The following PTPRA variants were observed in gnomAD, a reference collection of about 807,000 sequenced individuals.
The protein encoded by PTPRA is protein tyrosine phosphatase receptor type A, also known as receptor-type tyrosine-protein phosphatase alpha.
In PTPRA, 25 loss-of-function variants were observed where a neutral mutation model predicts 104.8. That is an observed-to-expected ratio of 0.24 (90% CI 0.17 to 0.33). The LOEUF (loss-of-function observed/expected upper bound fraction) is 0.33, where lower values mean the gene tolerates loss of function less well. Among genes scored for constraint, PTPRA ranks in the 10% least tolerant of loss-of-function variants. The pLI is 1.00. For missense variants in PTPRA, 765 were observed against 1,015.3 expected, an observed-to-expected ratio of 0.75 and a Z score of 3.35; for synonymous variants, 323 against 368.9, an observed-to-expected ratio of 0.88 and a Z score of 1.43.
chr20:2,953,499 C>T (rs575054524), intron 3 of PTPRA, among the ~76,000 whole-genome samples: 56 of 151,906 alleles, frequency 3.7e-4, no homozygotes, highest in Non-Finnish European at 3.5e-4. Flanking sequence ...GTGATTCACC[C>T]GCCTCAGCCT....
Position 2,965,095 on chromosome 20 carries a change from C to G in PTPRA, c.308C>G (p.Pro103Arg). The change falls in exon 5 of 24, where the codon CCA becomes CGA. Residue 103 changes from proline (P) to arginine (R), a missense_variant. Pro to Arg is a moderately radical substitution (Grantham distance 103). Transcript: ENST00000399903. ...STNSIGITIS[P>R]NGTWLPDNQF... Reference sequence around the variant, plus strand: ...AATTCTATAGGCATTACAATTTCACCAAATGGAACGTGGCTTCCAGATAAC... The same window carrying G: ...AATTCTATAGGCATTACAATTTCACGAAATGGAACGTGGCTTCCAGATAAC... The G allele has an allele frequency of 6.2e-7, 1 of 1,614,048 alleles. No homozygotes were observed. The highest frequency in any genetic ancestry group is 8.5e-7 in the Non-Finnish European group (1 of 1,179,932).
Position 2,975,252 on chromosome 20 carries a change from C to A in PTPRA, c.442+11C>A. On this transcript the variant is annotated intron_variant, in intron 6 of 23. Coordinates refer to ENST00000399903, the MANE Select transcript of PTPRA (RefSeq NM_001385305.1). ...CGAAGGACAGAAGAGGTGAGCTGCT[C>A]ACCTTATATCTGTTGTTCCTTTTAC... The A allele has an allele frequency of 1.3e-6, 2 of 1,589,114 alleles. No homozygotes were observed. Among genetic ancestry groups the A allele is most frequent in the South Asian group, 1.1e-5 (1 of 89,392 alleles).
intron 3 of PTPRA, among the ~76,000 whole-genome samples, chr20:2,952,225 A>G (rs1003299926): frequency 3.3e-5 from 5 of 152,150 alleles, no homozygotes; most frequent in African/African-American, 1.2e-4. Context: ...TATCCTTGAC[A>G]GCACTTGGTA....
At chr20:2,979,749 G>A (rs2062593292) in intron 6 of PTPRA, among the ~76,000 whole-genome samples, 1 of 152,094 alleles carries the variant, frequency 6.6e-6, no homozygotes, top group African/African-American at 2.4e-5. Context: ...TCGCTAAGTT[G>A]CCCAGGCTGG....
intron 2 of PTPRA, among the ~76,000 whole-genome samples, chr20:2,946,858 A>AT (rs1222615920): frequency 4.0e-5 from 6 of 151,430 alleles, no homozygotes; most frequent in East Asian, 3.9e-4. Context: ...AGAAAAAAAA[A>AT]AAATAATAAT....
intron 5 of PTPRA, among the ~76,000 whole-genome samples, chr20:2,972,039 G>C (rs2062213444): frequency 6.6e-6 from 1 of 151,958 alleles, no homozygotes; most frequent in African/African-American, 2.4e-5. Flanking sequence ...TCACCATGTT[G>C]GCCAACCTGG....
intron 5 of PTPRA, among the ~76,000 whole-genome samples, chr20:2,973,958 T>C (rs2148015096): frequency 6.6e-6 from 1 of 151,134 alleles, no homozygotes; most frequent in African/African-American, 2.4e-5. Context: ...TCTGATTTTT[T>C]TTTTTTTTTT....
In PTPRA at chr20:2,964,197, T is replaced by C. The variant is rs1453985519; in HGVS notation, c.-6-75T>C. The stretch of plus-strand genomic sequence containing the variant: ...ATTTTAATAGCTTGGAAATCCAGAA[T>C]ACTCTTCTGGTGACCAGCTCAGACA... On this transcript the variant is annotated intron_variant, in intron 3 of 23. Transcript: ENST00000399903. The C allele has an allele frequency of 6.6e-6, 8 of 1,211,634 alleles. No homozygotes were observed. In the East Asian group the frequency reaches 1.7e-4, roughly 26 times the overall value. 75.1% of individuals were successfully genotyped at this position (1,211,634 alleles called of 1,614,324 possible). A position where few individuals can be genotyped will look rare whatever the true frequency, so the allele number is the denominator to read the frequency against.
intron 20 of PTPRA, among the ~76,000 whole-genome samples, chr20:3,029,763 G>A (rs1296197910): frequency 6.6e-6 from 1 of 151,882 alleles, no homozygotes; most frequent in African/African-American, 2.4e-5. Flanking sequence ...CCTGACCTCA[G>A]GTTATCTGCC....
rs780404964 is a variant in PTPRA, at chr20:3,038,081, A to C, written c.2357A>C (p.Lys786Thr). 2.5e-6 allele frequency: 4 copies of C among 1,613,262 alleles called. No homozygotes were observed. The Admixed American group carries it at 6.7e-5, about 27-fold the overall frequency. ...QTLEQYEFCY[K>T]VVQEYIDAFS... is the part of the protein sequence containing the mutation. ...CAGGAACAGTATGAGTTCTGCTACAAGGTGGTGCAGGAGTATATTGATGCA... is the reference window on the plus strand; with the variant it reads ...CAGGAACAGTATGAGTTCTGCTACACGGTGGTGCAGGAGTATATTGATGCA... Residue 786 changes from lysine to threonine, a missense_variant, in exon 24 of 24, where the codon AAG becomes ACG. Around this residue, in one of 4 missense-constraint regions of PTPRA, gnomAD observed 72 missense variants for 140.7 expected, o/e 0.51. Transcript: ENST00000399903.
Position 2,975,248 on chromosome 20 carries a change from T to C in PTPRA, c.442+7T>C. On this transcript the variant is annotated splice_region_variant and intron_variant, in intron 6 of 23. Transcript: ENST00000399903. ...GACTCGAAGGACAGAAGAGGTGAGC[T>C]GCTCACCTTATATCTGTTGTTCCTT... The C allele has an allele frequency of 6.3e-7, 1 of 1,591,320 alleles. No individual in the cohort carries two copies. Among genetic ancestry groups the C allele is most frequent in the Non-Finnish European group, 8.6e-7 (1 of 1,161,348 alleles).
intron 1 of PTPRA, among the ~76,000 whole-genome samples, chr20:2,880,901 T>G: frequency 6.6e-6 from 1 of 151,564 alleles, no homozygotes; most frequent in East Asian, 1.9e-4. Flanking sequence ...CCCACTTACT[T>G]GGGAGGCTGA....
At chr20:2,928,106 C>T (rs1218680646) in intron 2 of PTPRA, among the ~76,000 whole-genome samples, 1 of 152,066 alleles carries the variant, frequency 6.6e-6, no homozygotes, top group Admixed American at 6.5e-5. Flanking sequence ...TTGACTCTTT[C>T]TGGTATCCGT....
Position 3,022,813 on chromosome 20 carries a change from G to A in PTPRA, c.1453G>A (p.Val485Met), listed in dbSNP as rs757000006. The A allele has an allele frequency of 1.2e-6, 2 of 1,614,196 alleles. No individual in the cohort carries two copies. Among genetic ancestry groups the A allele is most frequent in the Non-Finnish European group, 1.7e-6 (2 of 1,180,020 alleles). ...SRIRAQRCQM[V>M]QTDMQYVFIY... ...GATCCGGGCACAGCGCTGCCAGATG[G>A]TGCAAACCGATGTGAGTGATCTGTG... The change falls in exon 16 of 24, where the codon GTG becomes ATG. Residue 485 changes from valine (V) to methionine (M), a missense_variant. Physicochemically the swap from Val to Met is conservative, Grantham distance 21 (BLOSUM62 1). Transcript: ENST00000399903. The surrounding 1 kb of genome is among the most constrained non-coding windows in gnomAD (Gnocchi z 4.6).
chr20:2,888,157 T>C (rs1430568754), intron 1 of PTPRA, among the ~76,000 whole-genome samples: 1 of 152,214 alleles, frequency 6.6e-6, no homozygotes, highest in African/African-American at 2.4e-5. Context: ...ACCCCTTTTC[T>C]TCCTGTATTT....
chr20:3,020,921 C>G (rs752830091), intron 13 of PTPRA, among the ~76,000 whole-genome samples: 2 of 152,208 alleles, frequency 1.3e-5, no homozygotes, highest in Non-Finnish European at 2.9e-5. Context: ...ACCCTGGTGG[C>G]CCCCTCATAG....
At chr20:2,945,582 GGTGTGT>G (rs3842441) in intron 2 of PTPRA, among the ~76,000 whole-genome samples, 3,931 of 148,222 alleles carry the variant, frequency 0.027, 157 homozygotes, top group Admixed American at 0.095. Context: ...ATAATTGGCA[GGTGTGT>G]GTGTGTGTGT....
chr20:2,866,602 G>T, the PTPRA span: 1 of 1,612,214 alleles, frequency 6.2e-7, no homozygotes, highest in Non-Finnish European at 8.5e-7. Context: ...TCTCAAGCAA[G>T]GGGTTCCTCC....
At chr20:3,019,061 T>C (rs2064666253) in intron 13 of PTPRA, among the ~76,000 whole-genome samples, 1 of 127,604 alleles carries the variant, frequency 7.8e-6, no homozygotes, top group Non-Finnish European at 1.7e-5. Flanking sequence ...ACGGGGCGGC[T>C]GGCCGGGCAG....
Sources: allele counts gnomAD v4.1 joint callset (sites outside exome capture counted in the v4.1 genomes callset), GRCh38; gene constraint gnomAD v4.1.1; regional missense constraint gnomAD v4.1.1; non-coding constraint Gnocchi (gnomAD v3.1); transcripts MANE v1.5; gene names NCBI Gene and HGNC (gene_info 2026-07-23, HGNC 2026-07-21).